The following GRIA4 variants were observed in gnomAD, a reference collection of about 807,000 sequenced individuals.
The protein encoded by GRIA4 is glutamate ionotropic receptor AMPA type subunit 4, also known as glutamate receptor 4.
GRIA4 carries 34 observed loss-of-function variants against 104.0 expected under a neutral mutation model. The observed-to-expected ratio is 0.33, with a 90% CI of 0.25 to 0.44. GRIA4 has a LOEUF of 0.44. Among genes scored for constraint, GRIA4 ranks in the 20% least tolerant of loss-of-function variants. GRIA4 has a pLI of 1.00. For synonymous variants in GRIA4, 386 were observed against 381.9 expected (o/e 1.01, Z -0.13); for missense variants, 750 against 1,096.5 (o/e 0.68, Z 4.46).
At chr11:105,811,066 G>A (rs1211663709) in intron 4 of GRIA4, among the ~76,000 whole-genome samples, 1 of 152,060 alleles carries the variant, frequency 6.6e-6, no homozygotes, top group East Asian at 1.9e-4. Context: ...AACTATTTGG[G>A]AGCGATGAGT....
intron 5 of GRIA4, among the ~76,000 whole-genome samples, chr11:105,879,424 T>C (rs138200455): frequency 2.6e-5 from 4 of 152,352 alleles, no homozygotes; most frequent in African/African-American, 9.6e-5. Context: ...TTGGACTGAG[T>C]TGTATTTGCC....
intron 14 of GRIA4, among the ~76,000 whole-genome samples, chr11:105,948,595 G>GTTTTTTTTTTTTTTTTTTTT (rs3060323): frequency 1.1e-5 from 1 of 87,868 alleles, no homozygotes; most frequent in Non-Finnish European, 2.1e-5. Context: ...TTTTCTTTTT[G>GTTTTTTTTTTTTTTTTTTTT]TTTTTTTTTT....
intron 3 of GRIA4, among the ~76,000 whole-genome samples, chr11:105,623,252 G>A (rs564617896): frequency 4.0e-5 from 6 of 151,614 alleles, no homozygotes; most frequent in East Asian, 1.9e-4. Flanking sequence ...CTGGATCAAA[G>A]GGTAGTACTA....
At chr11:105,618,694 T>A (rs1222667106) in intron 3 of GRIA4, among the ~76,000 whole-genome samples, 2 of 151,918 alleles carry the variant, frequency 1.3e-5, no homozygotes, top group Non-Finnish European at 2.9e-5. Context: ...GACATGTGTG[T>A]CTGGAGCTTT....
chr11:105,934,392 C>A (rs1281809922), intron 14 of GRIA4, among the ~76,000 whole-genome samples: 3 of 152,060 alleles, frequency 2.0e-5, no homozygotes, highest in Admixed American at 2.0e-4. Context: ...TTCTAGCAAA[C>A]CACTTTTTTT....
chr11:105,961,597 G>T (rs1272413397), intron 14 of GRIA4, among the ~76,000 whole-genome samples: 1 of 152,040 alleles, frequency 6.6e-6, no homozygotes, highest in Non-Finnish European at 1.5e-5. Flanking sequence ...TGGATTTTTT[G>T]AATATTTGCG....
At chr11:105,615,339 G>C (rs892384924) in intron 3 of GRIA4, among the ~76,000 whole-genome samples, 5 of 151,802 alleles carry the variant, frequency 3.3e-5, no homozygotes, top group African/African-American at 1.2e-4. Context: ...GTCTAAACCT[G>C]ATTAACTTAA....
intron 3 of GRIA4, among the ~76,000 whole-genome samples, chr11:105,719,826 G>A (rs1009191057): frequency 6.6e-6 from 1 of 150,526 alleles, no homozygotes; most frequent in Non-Finnish European, 1.5e-5. Context: ...CAAAAATGGC[G>A]ACTGAAATTA....
chr11:105,929,680 T>C (rs188311451), intron 13 of GRIA4, among the ~76,000 whole-genome samples: 52 of 152,248 alleles, frequency 3.4e-4, no homozygotes, highest in Non-Finnish European at 5.6e-4. Context: ...AAATAATGCA[T>C]TGATGAGCTG....
chr11:105,672,306 T>C (rs759110081), intron 3 of GRIA4, among the ~76,000 whole-genome samples: 1 of 152,086 alleles, frequency 6.6e-6, no homozygotes. Context: ...CCAAGTGCTA[T>C]GGGAAGATCA....
At chr11:105,642,537 GAAAAA>G (rs34987277) in intron 3 of GRIA4, among the ~76,000 whole-genome samples, 19 of 72,446 alleles carry the variant, frequency 2.6e-4, no homozygotes, top group African/African-American at 6.3e-4. Flanking sequence ...CAATTTTAAT[GAAAAA>G]AAAAAAAAAA....
chr11:105,961,817 A>C (rs1948751128), intron 14 of GRIA4, among the ~76,000 whole-genome samples: 1 of 152,236 alleles, frequency 6.6e-6, no homozygotes, highest in South Asian at 2.1e-4. Context: ...ACAATTACAC[A>C]GTAGTTAAGA....
Position 105,687,989 on chromosome 11 carries a change from C to T in GRIA4, c.248-64992C>T, listed in dbSNP as rs78975284. Among the ~76,000 whole-genome samples, 1,266 of 152,204 alleles carry T rather than the reference C, an allele frequency of 8.3e-3. 32 individuals carry two copies. Among genetic ancestry groups the T allele is most frequent in the African/African-American group, 0.029 (1,202 of 41,534 alleles). ...AGAAATGAAATTTTTAATCATGATT[C>T]AAGCATGACTTCATATATAGACCTA... On this transcript the variant is annotated intron_variant, in intron 3 of 16. Transcript: ENST00000282499.
At chr11:105,670,850 G>A (rs765086014) in intron 3 of GRIA4, among the ~76,000 whole-genome samples, 14 of 152,126 alleles carry the variant, frequency 9.2e-5, no homozygotes, top group Non-Finnish European at 1.9e-4. Context: ...AATTCCAGAA[G>A]TCTGGAAGGG....
At chr11:105,913,405 A>C (rs1031718081) in intron 10 of GRIA4, 1 of 447,538 alleles carries the variant, frequency 2.2e-6, no homozygotes, top group African/African-American at 2.1e-5. Flanking sequence ...TGAATATACC[A>C]CAGCAAAATC....
At chr11:105,640,991 C>T (rs2135347778) in intron 3 of GRIA4, among the ~76,000 whole-genome samples, 1 of 151,952 alleles carries the variant, frequency 6.6e-6, no homozygotes, top group South Asian at 2.1e-4. Flanking sequence ...TATTCTTAGC[C>T]TAATTATTAT....
chr11:105,720,741 G>A (rs1335710708), intron 3 of GRIA4, among the ~76,000 whole-genome samples: 1 of 152,110 alleles, frequency 6.6e-6, no homozygotes, highest in Non-Finnish European at 1.5e-5. Flanking sequence ...GTGCAAATGG[G>A]TTGAGTAGAT....
chr11:105,637,138 A>G (rs1459778686), intron 3 of GRIA4, among the ~76,000 whole-genome samples: 2 of 152,148 alleles, frequency 1.3e-5, no homozygotes, highest in Admixed American at 6.6e-5. Context: ...AAAAATAACC[A>G]TTTAAAAATA....
intron 4 of GRIA4, among the ~76,000 whole-genome samples, chr11:105,778,551 G>A (rs375997968): frequency 1.3e-3 from 204 of 152,080 alleles, no homozygotes; most frequent in African/African-American, 4.6e-3. Context: ...TTAAAAATAC[G>A]AAAATTAGCC....
Sources: gnomAD v4.1 joint callset for allele counts (sites outside exome capture counted in the v4.1 genomes callset) on GRCh38, gnomAD v4.1.1 for gene constraint, MANE v1.5 for transcripts, NCBI Gene and HGNC (gene_info 2026-07-23, HGNC 2026-07-21) for gene names.